Variants in ZFHX3 observed in about 807,000 individuals in gnomAD.
ZFHX3 encodes zinc finger homeobox 3.
In ZFHX3, 42 loss-of-function variants were observed where a neutral mutation model predicts 279.1. The ratio of observed to expected loss-of-function variants is 0.15; its 90% CI spans 0.12 to 0.19. ZFHX3 has a LOEUF of 0.19. ZFHX3 is among the 10% of genes least tolerant of loss of function. The pLI, the probability that ZFHX3 is intolerant of heterozygous loss-of-function variation, is 1.00. For synonymous variants in ZFHX3, 2,293 were observed against 1,957.8 expected (o/e 1.17, Z -4.52); for missense variants, 4,981 against 4,754.0 (o/e 1.05, Z -1.40).
intron 1 of ZFHX3, among the ~76,000 whole-genome samples, chr16:73,710,609 T>TAG (rs149981051): frequency 1.3e-5 from 2 of 152,108 alleles, no homozygotes; most frequent in Non-Finnish European, 2.9e-5. Flanking sequence ...CCATGGAATG[T>TAG]AGAGAGAGAC....
Position 72,797,817 on chromosome 16 carries a change from G to C in ZFHX3, c.4865C>G (p.Thr1622Ser). Residue 1622 changes from threonine (T) to serine (S), a missense_variant, in exon 9 of 10, where the codon ACC (threonine) becomes AGC (serine). Coordinates refer to ENST00000268489, the MANE Select transcript of ZFHX3 (RefSeq NM_006885.4). Reference protein sequence around the residue: ...EIHMRSVLHQTKARAAKLEAA... With the variant: ...EIHMRSVLHQSKARAAKLEAA... ...CTCCAGCTTGGCTGCCCGGGCCTTG[G>C]TTTGATGTAACACAGACCTCATATG... 1 of 1,614,108 alleles carries C rather than the reference G, an allele frequency of 6.2e-7. No individual in the cohort carries two copies. Among genetic ancestry groups the C allele is most frequent in the Non-Finnish European group, 8.5e-7 (1 of 1,180,038 alleles).
chr16:73,776,288 G>A (rs560928140), intron 1 of ZFHX3, among the ~76,000 whole-genome samples: 2 of 152,174 alleles, frequency 1.3e-5, no homozygotes, highest in East Asian at 1.9e-4. Flanking sequence ...TTAGGGTCCC[G>A]TCTTTATGTA....
chr16:73,155,540 A>C (rs1337146787), intron 5 of ZFHX3, among the ~76,000 whole-genome samples: 2 of 152,168 alleles, frequency 1.3e-5, no homozygotes, highest in Non-Finnish European at 2.9e-5. Flanking sequence ...ATATATATGA[A>C]GCCTGGACAC....
chr16:73,064,426 C>T (rs1965721562), upstream of ZFHX3, among the ~76,000 whole-genome samples: 1 of 152,082 alleles, frequency 6.6e-6, no homozygotes, highest in African/African-American at 2.4e-5. Flanking sequence ...CTGCCAGAGC[C>T]TCCAAACCGC....
chr16:73,426,602 G>C (rs374731931), intron 3 of ZFHX3, among the ~76,000 whole-genome samples: 4 of 152,188 alleles, frequency 2.6e-5, no homozygotes, highest in African/African-American at 7.2e-5. Context: ...GTGTGAGAGA[G>C]AGAGCCATTC....
chr16:73,593,226 C>G (rs757607019), intron 2 of ZFHX3, among the ~76,000 whole-genome samples: 2 of 151,982 alleles, frequency 1.3e-5, no homozygotes, highest in African/African-American at 2.4e-5. Flanking sequence ...ATTACTCAAA[C>G]TATTCTGAAG....
At chr16:73,758,938 A>T (rs369123041) in intron 1 of ZFHX3, among the ~76,000 whole-genome samples, 17 of 152,304 alleles carry the variant, frequency 1.1e-4, no homozygotes, top group African/African-American at 3.8e-4. Context: ...AAAAGACAAA[A>T]CTGAGGCTCA....
Position 73,237,090 on chromosome 16 carries a change from G to C in ZFHX3, c.-1104+19957C>G, listed in dbSNP as rs2144938682. On this transcript the variant is annotated intron_variant, in intron 5 of 17. Coordinates refer to the ZFHX3 transcript ENST00000641206. Reference sequence around the variant, plus strand: ...ATAGTCTTTAGCTAACTTTACAGATGAGGGTACTCAGGCTCACAGAGAGAG... The same window carrying C: ...ATAGTCTTTAGCTAACTTTACAGATCAGGGTACTCAGGCTCACAGAGAGAG... Among the ~76,000 whole-genome samples the C allele has an allele frequency of 2.0e-5, 3 of 152,290 alleles. 1 individual carries two copies. Among genetic ancestry groups the C allele is most frequent in the Admixed American group, 2.0e-4 (3 of 15,300 alleles).
At position 72,788,210 on chromosome 16, in the gene ZFHX3, A is replaced by T. The variant is rs145123264; in HGVS notation, c.10066T>A (p.Ser3356Thr). ...PALSQALMGL[S>T]PGSLLQQYQQ... The stretch of plus-strand genomic sequence containing the variant: ...TACTGCTGCAGTAGGGAGCCTGGGG[A>T]CAGCCCCATCAGGGCCTGCGACAGT... Residue 3356 changes from serine (S) to threonine (T), a missense_variant, in exon 10 of 10, where the codon TCC becomes ACC. By Grantham distance (58) the Ser-to-Thr change is moderately conservative. Around this residue, in one of 7 missense-constraint regions of ZFHX3, gnomAD observed 1,034 missense variants for 786.0 expected, o/e 1.32. Transcript: ENST00000268489. The T allele has an allele frequency of 1.2e-4, 186 of 1,612,978 alleles. No homozygotes were observed. The African/African-American group carries it at 2.4e-3, about 21-fold the overall frequency.
At chr16:73,290,344 G>GA (rs1483839205) in intron 4 of ZFHX3, among the ~76,000 whole-genome samples, 4 of 152,094 alleles carry the variant, frequency 2.6e-5, no homozygotes, top group South Asian at 2.1e-4. Context: ...AAGCCCCCTC[G>GA]AAAAAAACAC....
At chr16:73,762,431 G>T (rs1369418044) in intron 1 of ZFHX3, among the ~76,000 whole-genome samples, 2 of 152,156 alleles carry the variant, frequency 1.3e-5, no homozygotes, top group Non-Finnish European at 2.9e-5. Context: ...ATTCCTTAAA[G>T]ATCTAAAACC....
rs1463572150 is a variant in ZFHX3 at position 73,818,658 on chromosome 16, G to A, written c.-1608+72993C>T. Reference sequence around the variant, plus strand: ...CTGGGGTCCCTGCTGATGCAATGAAGGACAATTAACAAAAATGCCTTCAAG... The same window carrying A: ...CTGGGGTCCCTGCTGATGCAATGAAAGACAATTAACAAAAATGCCTTCAAG... On this transcript the variant is annotated intron_variant, in intron 1 of 17. Coordinates refer to the ZFHX3 transcript ENST00000641206. 2.6e-5 allele frequency among the ~76,000 whole-genome samples: 4 copies of A among 152,310 alleles called. No homozygotes were observed. The East Asian group carries it at 5.8e-4, about 22-fold the overall frequency.
intron 3 of ZFHX3, among the ~76,000 whole-genome samples, chr16:73,416,368 T>C (rs1321648614): frequency 4.6e-5 from 7 of 152,116 alleles, no homozygotes. Flanking sequence ...AGAATAAAAA[T>C]GTTGTAGACA....
Position 73,079,618 on chromosome 16 carries a change from C to T in ZFHX3, c.-533+13617G>A, listed in dbSNP as rs959565666. ...CCTCCCAAAGTGTTGGGGTTACAAG[C>T]GTGAGCTGCCACACCTGGCCTCCTA... is the stretch of plus-strand genomic sequence containing the variant. On this transcript the variant is annotated intron_variant, in intron 8 of 17. Transcript: ENST00000641206. Among the ~76,000 whole-genome samples the T allele has an allele frequency of 7.2e-5, 11 of 151,938 alleles. 1 individual carries two copies. The highest frequency in any genetic ancestry group is 1.5e-4 in the African/African-American group (6 of 41,368).
intron 1 of ZFHX3, among the ~76,000 whole-genome samples, chr16:73,044,899 G>T (rs560130383): frequency 6.6e-6 from 1 of 152,132 alleles, no homozygotes; most frequent in African/African-American, 2.4e-5. Flanking sequence ...GGGATTACAG[G>T]CATGAGCCAC....
chr16:72,798,575 C>G lies in ZFHX3; in HGVS notation c.4107G>C (p.Gln1369His). 6.2e-7 allele frequency: 1 copy of G among 1,614,174 alleles called. No individual in the cohort carries two copies. ...GFICWKKGCNQVFKTSAALQT... is the reference protein window; with the variant it reads ...GFICWKKGCNHVFKTSAALQT... Reference sequence around the variant, plus strand: ...GAAGGGCAGCAGAAGTTTTGAAAACCTGGTTGCACCCCTTCTTCCAGCAGA... The same window carrying G: ...GAAGGGCAGCAGAAGTTTTGAAAACGTGGTTGCACCCCTTCTTCCAGCAGA... The change falls in exon 9 of 10, where the codon CAG becomes CAC. Residue 1369 changes from glutamine to histidine, a missense_variant. Around this residue, in one of 7 missense-constraint regions of ZFHX3, gnomAD observed 1,751 missense variants for 1,770.0 expected, o/e 0.99. Transcript: ENST00000268489.
chr16:73,585,112 T>G lies in ZFHX3; in HGVS notation c.-1547+95068A>C, dbSNP rs185359817. Among the ~76,000 whole-genome samples, 121 of 152,282 alleles carry G rather than the reference T, an allele frequency of 7.9e-4. 1 individual carries two copies. The highest frequency in any genetic ancestry group is 2.7e-3 in the African/African-American group (113 of 41,562). ...GAGATTGTGGAGAGACAGGATCACT[T>G]TTACACTCTTGGTAAAACAAACAGG... On this transcript the variant is annotated intron_variant, in intron 2 of 17. Coordinates refer to the ZFHX3 transcript ENST00000641206.
rs561367338 is a variant in ZFHX3, at chr16:73,258,487, C to A, written c.-1193-1351G>T. Among the ~76,000 whole-genome samples the A allele has an allele frequency of 2.6e-4, 40 of 152,010 alleles. 2 individuals are homozygous for A. The East Asian group carries it at 4.3e-3, about 16-fold the overall frequency. On this transcript the variant is annotated intron_variant, in intron 4 of 17. Coordinates refer to the ZFHX3 transcript ENST00000641206. Reference sequence around the variant, plus strand: ...GCCTCAGCCTCCCGAGTAACTGGGACTACAGGCGCCCACCACCACACCTGG... The same window carrying A: ...GCCTCAGCCTCCCGAGTAACTGGGAATACAGGCGCCCACCACCACACCTGG...
intron 2 of ZFHX3, among the ~76,000 whole-genome samples, chr16:73,638,934 G>A (rs1172389875): frequency 6.6e-6 from 1 of 152,120 alleles, no homozygotes; most frequent in Non-Finnish European, 1.5e-5. Context: ...GAGATACTGA[G>A]GCTTCATTGA....
Sources: allele counts gnomAD v4.1 joint callset (sites outside exome capture counted in the v4.1 genomes callset), GRCh38; gene constraint gnomAD v4.1.1; regional missense constraint gnomAD v4.1.1; transcripts MANE v1.5; gene names NCBI Gene and HGNC (gene_info 2026-07-23, HGNC 2026-07-21).